The following ROPN1L variants were observed in gnomAD, a reference collection of about 807,000 sequenced individuals.
The protein encoded by ROPN1L is rhophilin associated tail protein 1 like, also known as ropporin-1-like protein.
In ROPN1L, 23 loss-of-function variants were observed where a neutral mutation model predicts 22.7. The observed-to-expected ratio is 1.01, with a 90% CI of 0.73 to 1.43. The LOEUF is 1.43. Ranked by LOEUF, ROPN1L falls within the 40% of genes most tolerant of loss-of-function variation. The probability of loss-of-function intolerance (pLI) is 0.00; values close to 1 mark genes in which losing one functional copy is unlikely to be tolerated. For missense variants in ROPN1L, 271 were observed against 291.5 expected (o/e 0.93, Z 0.51); for synonymous variants, 116 against 117.8 (o/e 0.98, Z 0.10).
chr5:10,447,323 T>C (rs1423593727), intron 1 of ROPN1L, among the ~76,000 whole-genome samples: 1 of 152,142 alleles, frequency 6.6e-6, no homozygotes, highest in East Asian at 1.9e-4. Context: ...GTGGGTTCCC[T>C]CTTGACTTAT....
chr5:10,475,420 G>C (rs1416721329), downstream of ROPN1L, among the ~76,000 whole-genome samples: 1 of 152,118 alleles, frequency 6.6e-6, no homozygotes, highest in East Asian at 1.9e-4. Context: ...AACTTTCCCT[G>C]TTCAAATCAC....
intron 4 of ROPN1L, among the ~76,000 whole-genome samples, chr5:10,462,902 CAATAAT>C (rs35234246): frequency 2.2e-3 from 332 of 150,266 alleles, no homozygotes; most frequent in African/African-American, 7.3e-3. Flanking sequence ...ATAATAACAA[CAATAAT>C]AATAATAATA....
At chr5:10,457,436 CAT>C (rs1734854030) in intron 3 of ROPN1L, among the ~76,000 whole-genome samples, 1 of 152,216 alleles carries the variant, frequency 6.6e-6, no homozygotes. Flanking sequence ...GGCTGCTAGA[CAT>C]AATAAAATGG....
intron 4 of ROPN1L, 114 bp downstream of exon 4, chr5:10,461,473 A>G (rs548350736): frequency 4.5e-6 from 4 of 894,992 alleles, no homozygotes; most frequent in Admixed American, 2.1e-5. Context: ...CACCACAACA[A>G]TAATCAACAC....
chr5:10,482,417 C>T, the ROPN1L span: 5 of 152,200 alleles, frequency 3.3e-5, no homozygotes, highest in South Asian at 4.2e-4. Context: ...AAACACAAAG[C>T]GGATCAGAAA....
At chr5:10,479,815 G>A in the ROPN1L span, among the ~76,000 whole-genome samples, 1 of 151,908 alleles carries the variant, frequency 6.6e-6, no homozygotes, top group African/African-American at 2.4e-5. Flanking sequence ...GCACGATCTC[G>A]GCTCACGCAA....
intron 3 of ROPN1L, among the ~76,000 whole-genome samples, chr5:10,456,778 TAGTGTCATCACGCCTTTGCAGAGG>T (rs1327168193): frequency 6.6e-6 from 1 of 152,160 alleles, no homozygotes; most frequent in Non-Finnish European, 1.5e-5. Flanking sequence ...TTGACATGGG[TAGTGTCATCACGCCTTTGCAGAGG>T]AAGTGATGCT....
intron 3 of ROPN1L, among the ~76,000 whole-genome samples, chr5:10,454,985 C>CAA (rs1741370576): frequency 6.6e-6 from 1 of 152,182 alleles, no homozygotes; most frequent in Non-Finnish European, 1.5e-5. Context: ...TTCAAGTTTA[C>CAA]GCCTGAGATT....
intron 1 of ROPN1L, among the ~76,000 whole-genome samples, chr5:10,444,054 C>A (rs1740977013): frequency 6.6e-6 from 1 of 152,186 alleles, no homozygotes; most frequent in Non-Finnish European, 1.5e-5. Flanking sequence ...AGCTACTTGT[C>A]CATCCAGTGC....
chr5:10,444,863 C>T (rs983089468), intron 1 of ROPN1L, among the ~76,000 whole-genome samples: 2 of 151,856 alleles, frequency 1.3e-5, no homozygotes, highest in Non-Finnish European at 2.9e-5. Context: ...CGTGCCACTG[C>T]ACTCCAGCCT....
chr5:10,474,671 G>C (rs773261436), downstream of ROPN1L, among the ~76,000 whole-genome samples: 1 of 152,248 alleles, frequency 6.6e-6, no homozygotes, highest in Non-Finnish European at 1.5e-5. Flanking sequence ...CAGCCAAGCT[G>C]GGCTTGGACG....
the ROPN1L span, chr5:10,479,517 G>A: frequency 6.6e-6 from 1 of 152,214 alleles, no homozygotes; most frequent in Non-Finnish European, 1.5e-5. Context: ...TGGAAGTGGA[G>A]TGAGAACAGG....
intron 1 of ROPN1L, among the ~76,000 whole-genome samples, 180 bp from the exon 2 acceptor site, chr5:10,448,080 G>A (rs1285006991): frequency 6.6e-6 from 1 of 152,134 alleles, no homozygotes; most frequent in African/African-American, 2.4e-5. Context: ...AGAAACTAAG[G>A]CAGGCAGAGA....
At chr5:10,456,598 A>C (rs1269850586) in intron 3 of ROPN1L, among the ~76,000 whole-genome samples, 1 of 152,252 alleles carries the variant, frequency 6.6e-6, no homozygotes, top group East Asian at 1.9e-4. Flanking sequence ...TGGGGCAGCC[A>C]TGCCAAGGAG....
rs762620982 is a variant in ROPN1L, at chr5:10,442,312, G to T, written c.131+14G>T. On this transcript the variant is annotated intron_variant, in intron 1 of 4. Transcript: ENST00000274134. The stretch of plus-strand genomic sequence containing the variant: ...GTGGTCCGCGGGGTAAGCGCCCTTG[G>T]CCCGGGGAGCTGTCCGGTCTACATG... 1.2e-6 allele frequency: 2 copies of T among 1,611,710 alleles called. No individual in the cohort carries two copies.
chr5:10,461,057 G>A, intron 3 of ROPN1L, 127 bp from the exon 4 acceptor site: 1 of 777,612 alleles, frequency 1.3e-6, no homozygotes, highest in Non-Finnish European at 2.0e-6. Flanking sequence ...CAGTTCAGAT[G>A]GAGCACATAC....
chr5:10,441,916 G>C lies in ROPN1L; in HGVS notation c.-252G>C. The stretch of plus-strand genomic sequence containing the variant: ...CCTGGATACCGAGCGCGTCCGTAGT[G>C]GCGGCTGGCGCTAGGGAACTGCAGG... On this transcript the variant is annotated 5_prime_UTR_variant, in exon 1 of 5. Transcript: ENST00000274134. 3.1e-6 allele frequency: 1 copy of C among 326,710 alleles called. No individual in the cohort carries two copies. The highest frequency in any genetic ancestry group is 5.4e-5 in the South Asian group (1 of 18,492). The allele number at this position is 326,710 out of a possible 1,614,324, so 20.2% of individuals were successfully genotyped here. A position where few individuals can be genotyped will look rare whatever the true frequency, so the allele number is the denominator to read the frequency against.
At chr5:10,453,947 G>A (rs1741337288) in intron 3 of ROPN1L, among the ~76,000 whole-genome samples, 1 of 152,160 alleles carries the variant, frequency 6.6e-6, no homozygotes, top group African/African-American at 2.4e-5. Context: ...CCTGAACACT[G>A]CTCTACTTAT....
At chr5:10,442,529 A>G (rs974246620) in intron 1 of ROPN1L, among the ~76,000 whole-genome samples, 4 of 152,250 alleles carry the variant, frequency 2.6e-5, no homozygotes, top group African/African-American at 9.6e-5. Flanking sequence ...TCACTTACCT[A>G]CAACGTAATG....
Sources: allele counts gnomAD v4.1 joint callset (sites outside exome capture counted in the v4.1 genomes callset), GRCh38; gene constraint gnomAD v4.1.1; transcripts MANE v1.5; gene names NCBI Gene and HGNC (gene_info 2026-07-23, HGNC 2026-07-21).